The following COL8A2 variants were observed in gnomAD, a reference collection of about 807,000 sequenced individuals.
COL8A2 encodes collagen type VIII alpha 2 chain, also known as collagen alpha-2(VIII) chain.
In COL8A2, 16 loss-of-function variants were observed where a neutral mutation model predicts 24.0. That is an observed-to-expected ratio of 0.67 (90% CI 0.45 to 1.01). The LOEUF (loss-of-function observed/expected upper bound fraction) is 1.01. Among genes scored for constraint, COL8A2 ranks in the 50% least tolerant of loss-of-function variants. The pLI is 0.00. For synonymous variants in COL8A2, 466 were observed against 424.5 expected (o/e 1.10, Z -1.20); for missense variants, 818 against 942.4 (o/e 0.87, Z 1.73).
rs274762 is a variant in COL8A2 at position 36,108,496 on chromosome 1, C to T, written c.-17+7212G>A. ...CCCGAGGTGGGACGCACACAGGAGA[C>T]GCTGATTCAGAGGACGGCGCAGTGG... On this transcript the variant is annotated intron_variant, in intron 2 of 3. Transcript: ENST00000397799. Among the ~76,000 whole-genome samples the T allele has an allele frequency of 1.2e-3, 186 of 152,344 alleles. 1 individual carries two copies. Among genetic ancestry groups the T allele is most frequent in the African/African-American group, 4.3e-3 (177 of 41,578 alleles).
In COL8A2 at chr1:36,113,521, C is replaced by T. The variant is rs575387385; in HGVS notation, c.-17+2187G>A. On this transcript the variant is annotated intron_variant, in intron 2 of 3. Transcript: ENST00000397799. ...CCTGGACAATGCCTGAGCAGCTCCG[C>T]GAGGTCTGGGAAGGGACTTGGCGGG... is the stretch of plus-strand genomic sequence containing the variant. Among the ~76,000 whole-genome samples the T allele has an allele frequency of 7.2e-5, 11 of 152,354 alleles. No homozygotes were observed. The East Asian group carries it at 7.7e-4, about 11-fold the overall frequency.
At chr1:36,112,902 C>T (rs1007761212) in intron 2 of COL8A2, among the ~76,000 whole-genome samples, 1 of 152,206 alleles carries the variant, frequency 6.6e-6, no homozygotes, top group African/African-American at 2.4e-5. Context: ...GTGAGCCACA[C>T]GTTGGCACAG....
At chr1:36,118,009 G>A (rs140809059) in intron 1 of COL8A2, among the ~76,000 whole-genome samples, 4 of 152,144 alleles carry the variant, frequency 2.6e-5, no homozygotes, top group South Asian at 2.1e-4. Flanking sequence ...TCAGAGATGC[G>A]GATCCTACCT....
In COL8A2 at chr1:36,099,018, C is replaced by G; in HGVS notation, c.663G>C (p.Gln221His). Residue 221 changes from glutamine (Q) to histidine (H), a missense_variant, in exon 4 of 4, where the codon CAG becomes CAC. Physicochemically the swap from Gln to His is conservative, Grantham distance 24. Coordinates refer to ENST00000397799, the MANE Select transcript of COL8A2 (RefSeq NM_005202.4). The stretch of plus-strand genomic sequence containing the variant: ...GGCCGGGGGGGCCGGGGGCACCCCC[C>G]TGCCCTGGGGCCCCAGGCAGCCCGG... ...GQPGLPGAPG[Q>H]GGAPGPPGLP... 6.4e-7 allele frequency: 1 copy of G among 1,560,120 alleles called. No homozygotes were observed. Among genetic ancestry groups the G allele is most frequent in the Non-Finnish European group, 8.7e-7 (1 of 1,152,556 alleles).
chr1:36,114,887 A>AC (rs5773519), intron 2 of COL8A2, among the ~76,000 whole-genome samples: 136,080 of 152,118 alleles, frequency 0.89, 60,988 homozygotes, highest in East Asian at 1. Flanking sequence ...CTTGGACCGA[A>AC]CTCCCTCCTG....
Position 36,117,378 on chromosome 1 carries a change from C to T in COL8A2, c.-61-1626G>A, listed in dbSNP as rs151274615. Among the ~76,000 whole-genome samples, 11 of 152,320 alleles carry T rather than the reference C, an allele frequency of 7.2e-5. No individual in the cohort carries two copies. In the East Asian group the frequency reaches 2.1e-3, roughly 29 times the overall value. On this transcript the variant is annotated intron_variant, in intron 1 of 3. Transcript: ENST00000397799. ...ACTCTGGGAGAAGAAATGACTTAAG[C>T]TGGCTCTGGGCTTTGAAGGATGAAC...
intron 1 of COL8A2, among the ~76,000 whole-genome samples, chr1:36,118,137 C>T (rs1643888372): frequency 6.6e-6 from 1 of 152,208 alleles, no homozygotes; most frequent in Non-Finnish European, 1.5e-5. Flanking sequence ...ACTATTGGCT[C>T]CTGTAACCCT....
chr1:36,098,141 A>G lies in COL8A2; in HGVS notation c.1540T>C (p.Ser514Pro), dbSNP rs898766433. The part of the protein sequence containing the change: ...GPTGPPGVPG[S>P]PGITGPPGPP... ...CCCGGAGGGCCCGTGATTCCAGGGG[A>G]GCCAGGGACCCCTGGGGGCCCCGTG... Residue 514 changes from serine to proline, a missense_variant, in exon 4 of 4, where the codon TCC (serine) becomes CCC (proline). This residue lies in a region of COL8A2 where 235 missense variants were observed against 297.3 expected (regional missense o/e 0.79). Coordinates refer to ENST00000397799, the MANE Select transcript of COL8A2 (RefSeq NM_005202.4). 2 of 1,480,436 alleles carry G rather than the reference A, an allele frequency of 1.4e-6. No homozygotes were observed. The allele number at this position is 1,480,436 out of a possible 1,614,324, so 91.7% of individuals were successfully genotyped here.
intron 2 of COL8A2, among the ~76,000 whole-genome samples, chr1:36,100,617 C>A (rs1006751656): frequency 3.3e-5 from 5 of 152,164 alleles, no homozygotes; most frequent in African/African-American, 1.2e-4. Flanking sequence ...GATGTCAACA[C>A]CCATTTCCAT....
In COL8A2 at chr1:36,097,967, G is replaced by A. The variant is rs770635015; in HGVS notation, c.1714C>T (p.His572Tyr). The A allele has an allele frequency of 1.9e-6, 3 of 1,607,854 alleles. No homozygotes were observed. Among genetic ancestry groups the A allele is most frequent in the Non-Finnish European group, 2.5e-6 (3 of 1,178,978 alleles). The stretch of plus-strand genomic sequence containing the variant: ...ACCGCAGTGAAGGCCGGTGTGGCAT[G>A]GGCAGACAGCTCGCCCAGCCCAAAC... ...PQFGLGELSA[H>Y]ATPAFTAVLT... is the part of the protein sequence containing the mutation. The change falls in exon 4 of 4, where the codon CAT becomes TAT. Residue 572 changes from histidine to tyrosine, a missense_variant. His to Tyr is a moderately conservative substitution (Grantham distance 83). Transcript: ENST00000397799.
Position 36,099,435 on chromosome 1 carries a change from A to AG in COL8A2, c.245dup (p.Gly83TrpfsTer119). 1 of 1,545,586 alleles carries AG rather than the reference A, an allele frequency of 6.5e-7. No homozygotes were observed. On this transcript the variant is annotated frameshift_variant, in exon 4 of 4. Coordinates refer to ENST00000397799, the MANE Select transcript of COL8A2 (RefSeq NM_005202.4). LOFTEE classifies it low-confidence loss of function (END_TRUNC). ...GGGGACCCCGAGGCCCGGGCTTCCC[A>AG]GGGGGGCCGGGCTCTCCCTTCAGGT...
chr1:36,120,982 A>G (rs1173208236), intron 1 of COL8A2, among the ~76,000 whole-genome samples: 4 of 151,206 alleles, frequency 2.6e-5, no homozygotes, highest in Non-Finnish European at 5.9e-5. Context: ...CCAGCTACTC[A>G]GGAGGGTGAG....
chr1:36,105,267 C>A (rs78411748), intron 2 of COL8A2, among the ~76,000 whole-genome samples: 2 of 152,194 alleles, frequency 1.3e-5, no homozygotes, highest in African/African-American at 4.8e-5. Context: ...GCCATTTAAC[C>A]TTCCTGAGCT....
chr1:36,097,536 A>C lies in COL8A2; in HGVS notation c.*33T>G. 1 of 1,505,818 alleles carries C rather than the reference A, an allele frequency of 6.6e-7. No homozygotes were observed. Among genetic ancestry groups the C allele is most frequent in the Non-Finnish European group, 9.1e-7 (1 of 1,097,242 alleles). 93.3% of individuals were successfully genotyped at this position (1,505,818 alleles called of 1,614,324 possible). Reference sequence around the variant, plus strand: ...AAAGGTCGCTCTACCACTAAAGGGGAGGAGGCCAGGGCAGCAGGACCCCCC... The same window carrying C: ...AAAGGTCGCTCTACCACTAAAGGGGCGGAGGCCAGGGCAGCAGGACCCCCC... On this transcript the variant is annotated 3_prime_UTR_variant, in exon 4 of 4. Coordinates refer to ENST00000397799, the MANE Select transcript of COL8A2 (RefSeq NM_005202.4).
At chr1:36,103,861 G>C (rs2124083695) in intron 2 of COL8A2, among the ~76,000 whole-genome samples, 1 of 152,104 alleles carries the variant, frequency 6.6e-6, no homozygotes, top group Non-Finnish European at 1.5e-5. Context: ...TGGGATTACA[G>C]ACGTAAGCCA....
rs2124072205 is a variant in COL8A2, at chr1:36,098,602, G to A, written c.1079C>T (p.Pro360Leu). 2 of 1,610,864 alleles carry A rather than the reference G, an allele frequency of 1.2e-6. No homozygotes were observed. The highest frequency in any genetic ancestry group is 1.1e-5 in the South Asian group (1 of 90,858). The change falls in exon 4 of 4, where the codon CCT (proline) becomes CTT (leucine). Residue 360 changes from proline (P) to leucine (L), a missense_variant. By Grantham distance (98) the Pro-to-Leu change is moderately conservative. Transcript: ENST00000397799. ...EQGPQGLGGPPGLPGSAGLPG... is the reference protein window; with the variant it reads ...EQGPQGLGGPLGLPGSAGLPG... ...AAGCCCTGCAGACCCAGGAAGTCCA[G>A]GGGGACCCCCAAGACCCTGTGGGCC...
Position 36,097,648 on chromosome 1 carries a change from G to T in COL8A2, c.2033C>A (p.Pro678Gln). 2 of 1,613,596 alleles carry T rather than the reference G, an allele frequency of 1.2e-6. No homozygotes were observed. The highest frequency in any genetic ancestry group is 1.1e-5 in the South Asian group (1 of 91,074). Residue 678 changes from proline (P) to glutamine (Q), a missense_variant, in exon 4 of 4, where the codon CCG becomes CAG. By Grantham distance (76) the Pro-to-Gln change is moderately conservative. This residue lies in a region of COL8A2 where 235 missense variants were observed against 297.3 expected (regional missense o/e 0.79). Transcript: ENST00000397799. ...RPNDQVWVQM[P>Q]SDQANGLYST... ...GTAGAGGCCGTTGGCCTGGTCCGAC[G>T]GCATCTGCACCCAGACCTGGTCGTT... is the stretch of plus-strand genomic sequence containing the variant.
At chr1:36,107,973 C>G (rs1159503677) in intron 2 of COL8A2, among the ~76,000 whole-genome samples, 2 of 152,208 alleles carry the variant, frequency 1.3e-5, no homozygotes, top group Non-Finnish European at 2.9e-5. Flanking sequence ...AGCTCTCCAC[C>G]TCTTTCCACC....
intron 3 of COL8A2, among the ~76,000 whole-genome samples, chr1:36,099,757 G>A (rs1270393087): frequency 6.6e-6 from 1 of 152,130 alleles, no homozygotes; most frequent in Non-Finnish European, 1.5e-5. Context: ...ATCCCTGCAT[G>A]ACCTGAAGGT....
Sources: gnomAD v4.1 joint callset for allele counts (sites outside exome capture counted in the v4.1 genomes callset) on GRCh38, gnomAD v4.1.1 for gene constraint, gnomAD v4.1.1 regional missense constraint, MANE v1.5 for transcripts, NCBI Gene and HGNC (gene_info 2026-07-23, HGNC 2026-07-21) for gene names.